Variants in MFSD8 observed in about 807,000 individuals in gnomAD.
MFSD8 encodes the protein major facilitator superfamily domain containing 8.
A neutral mutation model predicts 66.4 loss-of-function variants in MFSD8; 55 were observed. The observed-to-expected ratio is 0.83, with a 90% confidence interval of 0.67 to 1.04. The LOEUF (loss-of-function observed/expected upper bound fraction) is 1.04, where lower values mean the gene tolerates loss of function less well. Ranked by LOEUF, MFSD8 falls within the 50% of genes least tolerant of loss-of-function variation. The pLI is 0.00. For synonymous variants in MFSD8, 202 were observed against 212.8 expected, an observed-to-expected ratio of 0.95 and a Z score of 0.44; for missense variants, 550 against 627.6, an observed-to-expected ratio of 0.88 and a Z score of 1.32.
chr4:127,949,621 C>T (rs1741612253), intron 3 of MFSD8, among the ~76,000 whole-genome samples, 183 bp downstream of exon 3: 1 of 152,156 alleles, frequency 6.6e-6, no homozygotes, highest in Admixed American at 6.6e-5. Context: ...CAAAAGTGTT[C>T]TGGCTTGCAC....
At chr4:127,931,257 T>C (rs1738079193) in intron 8 of MFSD8, among the ~76,000 whole-genome samples, 1 of 152,218 alleles carries the variant, frequency 6.6e-6, no homozygotes, top group Non-Finnish European at 1.5e-5. Context: ...TGCCTCTCAA[T>C]GTCTCTTCCT....
intron 9 of MFSD8, among the ~76,000 whole-genome samples, chr4:127,923,767 G>C (rs1026609112): frequency 6.6e-6 from 1 of 151,246 alleles, no homozygotes; most frequent in South Asian, 2.1e-4. Flanking sequence ...ATTTTTAGTA[G>C]AGATGGGGTT....
chr4:127,960,107 C>T (rs1219364158), intron 1 of MFSD8, among the ~76,000 whole-genome samples: 1 of 152,170 alleles, frequency 6.6e-6, no homozygotes, highest in Admixed American at 6.5e-5. Flanking sequence ...ACAGTTTTAT[C>T]CTGTTCAACA....
intron 9 of MFSD8, among the ~76,000 whole-genome samples, chr4:127,928,180 T>C (rs1177278254): frequency 2.6e-5 from 4 of 152,124 alleles, no homozygotes; most frequent in South Asian, 4.1e-4. Context: ...GCCTCCTGAG[T>C]AGCTGGGACT....
intron 9 of MFSD8, 60 bp from the exon 10 acceptor site, chr4:127,922,023 C>A (rs936315328): frequency 3.7e-5 from 51 of 1,385,278 alleles, no homozygotes; most frequent in Admixed American, 2.9e-4. Context: ...AGCTTCATTA[C>A]TTTCATAATT....
chr4:127,964,993 C>T, intron 1 of MFSD8, 79 bp downstream of exon 1: 1 of 1,536,216 alleles, frequency 6.5e-7, no homozygotes, highest in Non-Finnish European at 8.9e-7. Flanking sequence ...GGGTTTGTCC[C>T]AGTGCGGGTG....
intron 2 of MFSD8, 41 bp downstream of exon 2, chr4:127,957,460 T>A (rs1003570072): frequency 1.5e-6 from 2 of 1,322,894 alleles, no homozygotes; most frequent in African/African-American, 2.9e-5. Context: ...AAATATGACA[T>A]CTGATCTGAA....
chr4:127,925,824 G>T (rs1327937618), intron 9 of MFSD8, among the ~76,000 whole-genome samples: 1 of 152,160 alleles, frequency 6.6e-6, no homozygotes, highest in Admixed American at 6.5e-5. Context: ...CAATAGTAAA[G>T]ACTTGGAACC....
intron 9 of MFSD8, among the ~76,000 whole-genome samples, chr4:127,928,455 T>C (rs1737580874): frequency 6.6e-6 from 1 of 152,014 alleles, no homozygotes; most frequent in South Asian, 2.1e-4. Context: ...ATAGACATTC[T>C]CAAAAGACAT....
At chr4:127,942,745 C>G (rs958496475) in intron 4 of MFSD8, among the ~76,000 whole-genome samples, 3 of 151,232 alleles carry the variant, frequency 2.0e-5, no homozygotes. Flanking sequence ...ATTACTACAA[C>G]TGTTTTTAAA....
chr4:127,938,582 CAAAA>C (rs1174151589), intron 7 of MFSD8, among the ~76,000 whole-genome samples, 197 bp downstream of exon 7: 2,359 of 110,488 alleles, frequency 0.021, 34 homozygotes, highest in African/African-American at 0.032. Flanking sequence ...AACTCTGTCT[CAAAA>C]AAAAAAAAAT....
At chr4:127,932,861 T>A (rs1002436791) in intron 8 of MFSD8, 124 bp downstream of exon 8, 3 of 735,226 alleles carry the variant, frequency 4.1e-6, no homozygotes, top group African/African-American at 3.6e-5. Context: ...ATTTTTTACA[T>A]CATGGTAAGA....
At chr4:127,959,144 G>T (rs1560778420) in intron 1 of MFSD8, among the ~76,000 whole-genome samples, 1 of 152,200 alleles carries the variant, frequency 6.6e-6, no homozygotes, top group East Asian at 1.9e-4. Flanking sequence ...ATGTAGTGGG[G>T]TGTTCTCAAC....
intron 1 of MFSD8, among the ~76,000 whole-genome samples, chr4:127,959,803 G>GA (rs1279705430): frequency 6.6e-6 from 1 of 152,020 alleles, no homozygotes; most frequent in Non-Finnish European, 1.5e-5. Flanking sequence ...TAACTTCAAT[G>GA]AAAAAAATTA....
At chr4:127,931,209 G>C (rs564600888) in intron 8 of MFSD8, among the ~76,000 whole-genome samples, 53 of 152,128 alleles carry the variant, frequency 3.5e-4, no homozygotes, top group Middle Eastern at 6.8e-3. Context: ...TAAGTTATCA[G>C]AATATACTGG....
In MFSD8 at chr4:127,919,479, G is replaced by T. The variant is rs1394587130; in HGVS notation, c.*1151C>A. On this transcript the variant is annotated 3_prime_UTR_variant, in exon 12 of 12. Transcript: ENST00000641686. The stretch of plus-strand genomic sequence containing the variant: ...TATCAATATACATAGTTATCTACTA[G>T]TTCCTTTTATCAGCATTCAACTTAT... The T allele has an allele frequency of 2.0e-5, 3 of 152,192 alleles. No individual in the cohort carries two copies. The highest frequency in any genetic ancestry group is 7.2e-5 in the African/African-American group (3 of 41,444). 9.4% of individuals were successfully genotyped at this position (152,192 alleles called of 1,614,324 possible).
rs1736275734 is a variant in MFSD8, at chr4:127,921,072, A to C, written c.1351-236T>G. On this transcript the variant is annotated intron_variant, in intron 11 of 11. Transcript: ENST00000641686. ...ACTGTCTGCTGAAGCCCTGGGAATA[A>C]TAAAATTGATTAAAATACCTTTTAA... The C allele has an allele frequency of 8.6e-6, 5 of 579,164 alleles. No homozygotes were observed. The South Asian group carries it at 1.1e-4, about 13-fold the overall frequency. The allele number at this position is 579,164 out of a possible 1,614,324, so 35.9% of individuals were successfully genotyped here. A position where few individuals can be genotyped will look rare whatever the true frequency, so the allele number is the denominator to read the frequency against.
chr4:127,925,478 A>T (rs1737042066), intron 9 of MFSD8, among the ~76,000 whole-genome samples: 1 of 152,220 alleles, frequency 6.6e-6, no homozygotes, highest in South Asian at 2.1e-4. Context: ...ACCAACAAAC[A>T]TATGAAAAAA....
At chr4:127,942,665 GAAA>G (rs200813472) in intron 4 of MFSD8, among the ~76,000 whole-genome samples, 5 of 107,560 alleles carry the variant, frequency 4.6e-5, no homozygotes, top group Non-Finnish European at 3.9e-5. Flanking sequence ...GGGCAACAGT[GAAA>G]AAAAAAAAAA....
Sources: gnomAD v4.1 joint callset for allele counts (sites outside exome capture counted in the v4.1 genomes callset) on GRCh38, gnomAD v4.1.1 for gene constraint, MANE v1.5 for transcripts, NCBI Gene and HGNC (gene_info 2026-07-23, HGNC 2026-07-21) for gene names.